Variants in NKAIN2 observed in about 807,000 individuals in gnomAD.
NKAIN2 encodes the protein sodium/potassium transporting ATPase interacting 2, also known as sodium/potassium-transporting ATPase subunit beta-1-interacting protein 2.
NKAIN2 carries 14 observed loss-of-function variants against 32.6 expected under a neutral mutation model. The ratio of observed to expected loss-of-function variants is 0.43; its 90% CI spans 0.28 to 0.67. The LOEUF is 0.67. NKAIN2 is among the 30% of genes least tolerant of loss of function. NKAIN2 has a pLI of 0.17. For missense variants in NKAIN2, 198 were observed against 258.3 expected (o/e 0.77, Z 1.60); for synonymous variants, 80 against 87.2 (o/e 0.92, Z 0.46).
chr6:124,319,708 C>T (rs1338372056), intron 2 of NKAIN2, among the ~76,000 whole-genome samples: 2 of 151,936 alleles, frequency 1.3e-5, no homozygotes, highest in Admixed American at 6.6e-5. Context: ...TTTAAATTTC[C>T]TGCCCTTTAA....
rs1439703372 is a variant in NKAIN2, at chr6:123,851,990, G to T, written c.54+47736G>T. On this transcript the variant is annotated intron_variant, in intron 1 of 6. Transcript: ENST00000368417. ...CCATTTGTCTGTTTATACTTTTGTT[G>T]CTTATGCTTTTGGGATCATATCAAA... Among the ~76,000 whole-genome samples, 9 of 151,710 alleles carry T rather than the reference G, an allele frequency of 5.9e-5. 1 individual carries two copies. In the South Asian group the frequency reaches 1.9e-3, roughly 32 times the overall value.
intron 1 of NKAIN2, among the ~76,000 whole-genome samples, chr6:123,808,684 G>A (rs1380489689): frequency 6.6e-6 from 1 of 152,110 alleles, no homozygotes; most frequent in Non-Finnish European, 1.5e-5. Flanking sequence ...GGCTTGGATG[G>A]GCAGCATTTT....
chr6:124,442,753 T>G (rs184827717), intron 3 of NKAIN2, among the ~76,000 whole-genome samples: 2 of 152,250 alleles, frequency 1.3e-5, no homozygotes, highest in East Asian at 3.9e-4. Context: ...AGAAGCTCTA[T>G]GTTGGCATGG....
At chr6:123,865,206 A>G (rs1285430354) in intron 1 of NKAIN2, among the ~76,000 whole-genome samples, 1 of 152,144 alleles carries the variant, frequency 6.6e-6, no homozygotes, top group Non-Finnish European at 1.5e-5. Flanking sequence ...TGTATTATTT[A>G]TGAAACAAGT....
intron 1 of NKAIN2, among the ~76,000 whole-genome samples, chr6:124,179,325 C>T (rs913548220): frequency 2.6e-5 from 4 of 152,158 alleles, no homozygotes; most frequent in Non-Finnish European, 4.4e-5. Context: ...TAGACATGTT[C>T]TTCAGCTATT....
At chr6:123,979,112 T>A (rs1359705977) in intron 1 of NKAIN2, among the ~76,000 whole-genome samples, 1 of 152,142 alleles carries the variant, frequency 6.6e-6, no homozygotes, top group Non-Finnish European at 1.5e-5. Flanking sequence ...AATAAGAAGT[T>A]CATTTACATT....
intron 1 of NKAIN2, among the ~76,000 whole-genome samples, chr6:124,271,562 G>A (rs1434535492): frequency 6.6e-6 from 1 of 152,166 alleles, no homozygotes; most frequent in East Asian, 1.9e-4. Context: ...TGGTATCTTT[G>A]TAGCAGTGTG....
chr6:124,554,639 T>C (rs1301454349), intron 3 of NKAIN2, among the ~76,000 whole-genome samples: 1 of 152,280 alleles, frequency 6.6e-6, no homozygotes, highest in African/African-American at 2.4e-5. Context: ...ACTTTCCTTA[T>C]GAGTCTCATC....
intron 1 of NKAIN2, among the ~76,000 whole-genome samples, chr6:124,013,716 A>G (rs1431680273): frequency 1.3e-5 from 2 of 152,190 alleles, no homozygotes; most frequent in African/African-American, 4.8e-5. Flanking sequence ...AGGGGGAAAG[A>G]TTATCCAGGT....
intron 1 of NKAIN2, among the ~76,000 whole-genome samples, chr6:124,152,241 T>G (rs1787763079): frequency 6.6e-6 from 1 of 152,004 alleles, no homozygotes; most frequent in Non-Finnish European, 1.5e-5. Flanking sequence ...GTGACACATT[T>G]GTCGTAATCA....
chr6:124,747,839 A>G (rs1777514845), intron 4 of NKAIN2, among the ~76,000 whole-genome samples: 1 of 151,764 alleles, frequency 6.6e-6, no homozygotes, highest in Non-Finnish European at 1.5e-5. Flanking sequence ...GAAACACTCA[A>G]TTCAAAGCAA....
chr6:123,998,035 A>G (rs1419153410), intron 1 of NKAIN2, among the ~76,000 whole-genome samples: 1 of 152,088 alleles, frequency 6.6e-6, no homozygotes, highest in Admixed American at 6.5e-5. Context: ...CCATGACTCA[A>G]TTAGTTTCTG....
At chr6:124,438,721 T>C (rs1775566082) in intron 3 of NKAIN2, among the ~76,000 whole-genome samples, 1 of 152,108 alleles carries the variant, frequency 6.6e-6, no homozygotes, top group Non-Finnish European at 1.5e-5. Flanking sequence ...GGCCTCCCTG[T>C]CACTAACTAA....
chr6:124,665,086 A>C (rs1772724501), intron 4 of NKAIN2, among the ~76,000 whole-genome samples: 1 of 152,146 alleles, frequency 6.6e-6, no homozygotes, highest in Non-Finnish European at 1.5e-5. Flanking sequence ...AGTCCATACT[A>C]CCCAAAGAAA....
rs35165515 is a variant in NKAIN2, at chr6:123,910,499, G to GTTTTTTTTT, written c.54+106260_54+106268dup. 4.3e-4 allele frequency among the ~76,000 whole-genome samples: 35 copies of GTTTTTTTTT among 81,316 alleles called. 2 individuals carry two copies. The highest frequency in any genetic ancestry group is 9.0e-4 in the African/African-American group (18 of 19,924). 53.3% of individuals were successfully genotyped at this position (81,316 alleles called of 152,430 possible). On this transcript the variant is annotated intron_variant, in intron 1 of 6. Coordinates refer to ENST00000368417, the MANE Select transcript of NKAIN2 (RefSeq NM_001040214.3). Reference sequence around the variant, plus strand: ...TTTGAGGACATTACCTGCAATGCATGTTTTTTTTTTTTTTTTTTTTTTTGA... The same window carrying GTTTTTTTTT: ...TTTGAGGACATTACCTGCAATGCATGTTTTTTTTTTTTTTTTTTTTTTTTTTTTTTTTGA...
At chr6:124,571,842 C>G (rs1157996991) in intron 3 of NKAIN2, among the ~76,000 whole-genome samples, 1 of 152,122 alleles carries the variant, frequency 6.6e-6, no homozygotes, top group Non-Finnish European at 1.5e-5. Context: ...TATTTTTAAT[C>G]TAGAACAACA....
At chr6:124,420,364 A>G (rs1774691727) in intron 3 of NKAIN2, among the ~76,000 whole-genome samples, 1 of 152,258 alleles carries the variant, frequency 6.6e-6, no homozygotes, top group South Asian at 2.1e-4. Flanking sequence ...TCAAATGAAA[A>G]TTACTAGAAA....
chr6:124,779,302 GGGAGGGAGGGAGGGAGGGAAGGAA>G (rs1779141050), intron 4 of NKAIN2, among the ~76,000 whole-genome samples: 2 of 80,008 alleles, frequency 2.5e-5, no homozygotes, highest in Non-Finnish European at 5.2e-5. Context: ...GAAGGAGGGA[GGGAGGGAGGGAGGGAGGGAAGGAA>G]GGAAGGAAGG....
At chr6:124,443,435 A>G (rs1268462340) in intron 3 of NKAIN2, among the ~76,000 whole-genome samples, 1 of 152,136 alleles carries the variant, frequency 6.6e-6, no homozygotes, top group Non-Finnish European at 1.5e-5. Context: ...CGCATATGAC[A>G]TCCAGAGGCA....
Sources: gnomAD v4.1 joint callset for allele counts (sites outside exome capture counted in the v4.1 genomes callset) on GRCh38, gnomAD v4.1.1 for gene constraint, MANE v1.5 for transcripts, NCBI Gene and HGNC (gene_info 2026-07-23, HGNC 2026-07-21) for gene names.